Variants in RAD51B observed in about 807,000 individuals in gnomAD.
The protein encoded by RAD51B is DNA repair protein RAD51 homolog 2.
Under a neutral mutation model 42.2 loss-of-function variants are expected in RAD51B, and 38 were observed. The ratio of observed to expected loss-of-function variants is 0.90; its 90% CI spans 0.70 to 1.18. RAD51B has a LOEUF of 1.18. RAD51B is among the 50% of genes most tolerant of loss of function. The pLI, the probability that RAD51B is intolerant of heterozygous loss-of-function variation, is 0.00. For missense variants in RAD51B, 373 were observed against 400.7 expected (o/e 0.93, Z 0.59); for synonymous variants, 154 against 145.2 (o/e 1.06, Z -0.43).
rs569791944 is a variant in RAD51B, at chr14:68,488,299, A to T, written c.1036+20049A>T. On this transcript the variant is annotated intron_variant, in intron 10 of 10. Transcript: ENST00000487270. ...GTTGCAAAAAGAGGCCAGGTGCAAT[A>T]ATAGGCAGTTGTAGGGACTGACAGA... Among the ~76,000 whole-genome samples, 6 of 151,148 alleles carry T rather than the reference A, an allele frequency of 4.0e-5. No individual in the cohort carries two copies. The East Asian group carries it at 1.2e-3, about 29-fold the overall frequency.
At chr14:68,091,141 G>A (rs1337837103) in intron 7 of RAD51B, among the ~76,000 whole-genome samples, 1 of 152,064 alleles carries the variant, frequency 6.6e-6, no homozygotes, top group East Asian at 1.9e-4. Flanking sequence ...TTGCTATTGT[G>A]AATAGTGCCG....
intron 7 of RAD51B, among the ~76,000 whole-genome samples, chr14:68,043,187 G>A (rs1020789126): frequency 5.3e-5 from 8 of 152,190 alleles, no homozygotes; most frequent in African/African-American, 7.2e-5. Flanking sequence ...GACACCCAAG[G>A]ACTTAGACTG....
intron 7 of RAD51B, among the ~76,000 whole-genome samples, chr14:68,195,941 A>G (rs933786433): frequency 8.1e-4 from 119 of 146,024 alleles, no homozygotes; most frequent in African/African-American, 2.9e-3. Context: ...ATTAGGGGCC[A>G]GGTGCAATGG....
chr14:68,377,507 A>C (rs1237342268), intron 8 of RAD51B, among the ~76,000 whole-genome samples: 1 of 152,230 alleles, frequency 6.6e-6, no homozygotes, highest in Non-Finnish European at 1.5e-5. Context: ...TGAGCAGAAG[A>C]ATCCAGCCTT....
chr14:67,864,042 G>GGAGA (rs761735329), intron 4 of RAD51B, among the ~76,000 whole-genome samples: 5 of 150,674 alleles, frequency 3.3e-5, no homozygotes, highest in South Asian at 4.2e-4. Context: ...TGGCAGAACA[G>GGAGA]GAGAGAGAGA....
chr14:67,928,184 T>C (rs1004034678), intron 7 of RAD51B, among the ~76,000 whole-genome samples: 3 of 152,194 alleles, frequency 2.0e-5, no homozygotes, highest in African/African-American at 7.2e-5. Flanking sequence ...ATACTCATTA[T>C]GTTCAGGTTT....
chr14:68,605,137 A>G (rs188730314), intron 10 of RAD51B, among the ~76,000 whole-genome samples: 2 of 152,324 alleles, frequency 1.3e-5, no homozygotes. Flanking sequence ...ACTTAAAATA[A>G]CAGAAATGCA....
At chr14:68,644,098 G>C (rs2140132628) in intron 10 of RAD51B, among the ~76,000 whole-genome samples, 1 of 152,250 alleles carries the variant, frequency 6.6e-6, no homozygotes, top group Admixed American at 6.5e-5. Flanking sequence ...TCTTCTTCCA[G>C]GGGCCTTGTT....
Position 68,436,452 on chromosome 14 carries a change from G to A in RAD51B, c.957+24925G>A, listed in dbSNP as rs142841228. Among the ~76,000 whole-genome samples, 1,318 of 152,242 alleles carry A rather than the reference G, an allele frequency of 8.7e-3. 69 individuals are homozygous for A. The highest frequency in any genetic ancestry group is 0.079 in the Admixed American group (1,202 of 15,290). ...ATAGTATAGTTTAAAGTCAGGTAAT[G>A]TGATGCTTCTGGCTTTATTATTTCT... On this transcript the variant is annotated intron_variant, in intron 9 of 10. Coordinates refer to ENST00000471583, the MANE Select transcript of RAD51B (RefSeq NM_133510.4).
At chr14:68,216,220 A>T (rs1445726397) in intron 7 of RAD51B, among the ~76,000 whole-genome samples, 1 of 152,234 alleles carries the variant, frequency 6.6e-6, no homozygotes, top group African/African-American at 2.4e-5. Flanking sequence ...GAGGGACTTT[A>T]AGTGAGTTAC....
chr14:67,879,630 A>G (rs2042842982), intron 5 of RAD51B, among the ~76,000 whole-genome samples: 1 of 152,112 alleles, frequency 6.6e-6, no homozygotes, highest in African/African-American at 2.4e-5. Flanking sequence ...TTTTATGGAA[A>G]ATAAATACAT....
intron 7 of RAD51B, among the ~76,000 whole-genome samples, chr14:68,062,736 G>C (rs535259185): frequency 2.6e-5 from 4 of 151,260 alleles, no homozygotes; most frequent in African/African-American, 4.9e-5. Context: ...TTGAACCTAG[G>C]GGGCAGAGGT....
chr14:68,630,521 C>T lies in RAD51B; in HGVS notation c.1037-20260C>T, dbSNP rs1246955328. Among the ~76,000 whole-genome samples the T allele has an allele frequency of 7.2e-5, 11 of 152,252 alleles. No individual in the cohort carries two copies. The East Asian group carries it at 1.3e-3, about 19-fold the overall frequency. ...ACCCCACCCCCCATGCACCTCCGGA[C>T]TTGGAGACATTGGAAGGTTTACTTC... On this transcript the variant is annotated intron_variant, in intron 10 of 11. Transcript: ENST00000488612.
At chr14:68,562,793 G>T (rs1486901421) in intron 10 of RAD51B, 1 of 985,232 alleles carries the variant, frequency 1.0e-6, no homozygotes, top group Non-Finnish European at 1.2e-6. Context: ...CCCATCCAGG[G>T]TATGGTACAG....
At position 68,035,810 on chromosome 14, in the gene RAD51B, C is replaced by A. The variant is rs1428344429; in HGVS notation, c.756+148606C>A. ...ATTTTTTTAAATGTCAGAAGCCAGGCCTTAGAAATCAAGCACCTGAGTTTT... is the reference window on the plus strand; with the variant it reads ...ATTTTTTTAAATGTCAGAAGCCAGGACTTAGAAATCAAGCACCTGAGTTTT... On this transcript the variant is annotated intron_variant, in intron 7 of 10. Coordinates refer to ENST00000471583, the MANE Select transcript of RAD51B (RefSeq NM_133510.4). 2.0e-5 allele frequency among the ~76,000 whole-genome samples: 3 copies of A among 152,242 alleles called. No homozygotes were observed. In the South Asian group the frequency reaches 6.2e-4, roughly 32 times the overall value.
At chr14:68,549,409 A>ATTTTTTTTTTTTTTTTTTTT (rs71129897) in intron 10 of RAD51B, among the ~76,000 whole-genome samples, 6 of 63,578 alleles carry the variant, frequency 9.4e-5, no homozygotes, top group Non-Finnish European at 2.0e-4. Context: ...CCCTGGACAC[A>ATTTTTTTTTTTTTTTTTTTT]TTTTTTTTTT....
intron 7 of RAD51B, among the ~76,000 whole-genome samples, chr14:68,129,040 A>C (rs555818961): frequency 6.6e-6 from 1 of 152,264 alleles, no homozygotes; most frequent in Admixed American, 6.5e-5. Flanking sequence ...GGAAGAATTC[A>C]CTGTGAATGA....
intron 7 of RAD51B, among the ~76,000 whole-genome samples, chr14:68,064,424 G>A (rs987656753): frequency 3.9e-5 from 6 of 152,008 alleles, no homozygotes; most frequent in East Asian, 1.9e-4. Context: ...AATGTGCCTC[G>A]GAGAGGACCT....
intron 7 of RAD51B, among the ~76,000 whole-genome samples, chr14:68,096,718 A>G (rs2077202050): frequency 6.6e-6 from 1 of 152,146 alleles, no homozygotes; most frequent in Non-Finnish European, 1.5e-5. Flanking sequence ...CTTATATTTG[A>G]TTGTATTTTC....
Sources: allele counts gnomAD v4.1 joint callset (sites outside exome capture counted in the v4.1 genomes callset), GRCh38; gene constraint gnomAD v4.1.1; transcripts MANE v1.5; gene names NCBI Gene and HGNC (gene_info 2026-07-23, HGNC 2026-07-21).